OPRM1: variants seen among roughly 807,000 people sequenced by gnomAD.
OPRM1 encodes opioid receptor mu 1, also known as mu-type opioid receptor.
Under a neutral mutation model 31.8 loss-of-function variants are expected in OPRM1, and 27 were observed. The observed-to-expected ratio is 0.85, with a 90% CI of 0.63 to 1.17. The LOEUF (loss-of-function observed/expected upper bound fraction) is 1.17, where lower values mean the gene tolerates loss of function less well. Ranked by LOEUF, OPRM1 falls within the 50% of genes most tolerant of loss-of-function variation. OPRM1 has a pLI of 0.00. For missense variants in OPRM1, 536 were observed against 511.1 expected (o/e 1.05, Z -0.47); for synonymous variants, 196 against 189.9 (o/e 1.03, Z -0.26).
chr6:154,054,360 T>G (rs1371114583), intron 1 of OPRM1, among the ~76,000 whole-genome samples: 1 of 113,244 alleles, frequency 8.8e-6, no homozygotes, highest in African/African-American at 3.6e-5. Flanking sequence ...AGAGCGAGAC[T>G]CCGTCTCAAA....
At position 154,125,867 on chromosome 6, in the gene OPRM1, A is replaced by C. The variant is rs1797564150; in HGVS notation, c.*7146A>C. ...GCCCAGGCTGGAGTACAGTGGCGGGATCTCGGCTCACTGCAAGCTCCGCCT... is the reference window on the plus strand; with the variant it reads ...GCCCAGGCTGGAGTACAGTGGCGGGCTCTCGGCTCACTGCAAGCTCCGCCT... On this transcript the variant is annotated 3_prime_UTR_variant, in exon 4 of 4. Coordinates refer to ENST00000330432, the MANE Select transcript of OPRM1 (RefSeq NM_000914.5). 2.7e-4 allele frequency among the ~76,000 whole-genome samples: 1 copy of C among 3,720 alleles called. No homozygotes were observed. The highest frequency in any genetic ancestry group is 1.6e-3 in the Non-Finnish European group (1 of 616). 2.4% of individuals were successfully genotyped at this position (3,720 alleles called of 152,430 possible).
chr6:154,123,773 A>T lies in OPRM1; in HGVS notation c.*5052A>T, dbSNP rs1416251369. ...GTAAACTGTCGTGGTACTGGTGGGA[A>T]TGTTTTTTAGCATGCTAATGCAATA... On this transcript the variant is annotated 3_prime_UTR_variant, in exon 4 of 4. Coordinates refer to ENST00000330432, the MANE Select transcript of OPRM1 (RefSeq NM_000914.5). Among the ~76,000 whole-genome samples the T allele has an allele frequency of 6.6e-6, 1 of 152,186 alleles. No individual in the cohort carries two copies.
At chr6:154,218,796 A>T (rs1778619918) in intron 3 of OPRM1, among the ~76,000 whole-genome samples, 1 of 152,218 alleles carries the variant, frequency 6.6e-6, no homozygotes, top group South Asian at 2.1e-4. Context: ...CCGGATGGAC[A>T]ATTTTCAAGT....
intron 1 of OPRM1, among the ~76,000 whole-genome samples, chr6:154,012,746 T>C (rs568841038): frequency 6.6e-6 from 1 of 152,254 alleles, no homozygotes; most frequent in South Asian, 2.1e-4. Flanking sequence ...AGACTGGTGA[T>C]TTAAACAACA....
chr6:154,057,475 C>A (rs1235201930), intron 1 of OPRM1, among the ~76,000 whole-genome samples: 7 of 152,278 alleles, frequency 4.6e-5, no homozygotes, highest in African/African-American at 1.2e-4. Context: ...CTATAGCTCA[C>A]CTTATTCCAT....
chr6:154,201,456 TG>T (rs1286379246), intron 3 of OPRM1, among the ~76,000 whole-genome samples: 7 of 152,186 alleles, frequency 4.6e-5, no homozygotes, highest in Non-Finnish European at 1.0e-4. Flanking sequence ...TTAACTTTAT[TG>T]GCCAACAAAA....
At chr6:154,192,460 G>C (rs572324673) in intron 3 of OPRM1, among the ~76,000 whole-genome samples, 1 of 152,138 alleles carries the variant, frequency 6.6e-6, no homozygotes, top group South Asian at 2.1e-4. Flanking sequence ...CAGAAGAAAT[G>C]ATGAAGCATA....
intron 3 of OPRM1, among the ~76,000 whole-genome samples, chr6:154,162,699 CTCTA>C (rs10606296): frequency 0.41 from 62,189 of 151,478 alleles, 13,115 homozygotes; most frequent in Middle Eastern, 0.51. Context: ...CTGTTCTCTG[CTCTA>C]TCTATGTTCA....
intron 3 of OPRM1, chr6:154,158,166 T>C (rs958951568): frequency 3.9e-5 from 6 of 152,240 alleles, no homozygotes; most frequent in African/African-American, 1.4e-4. Flanking sequence ...ATTTCCATTT[T>C]GTTTGCAGAT....
chr6:154,139,452 C>A (rs1018539071), intron 3 of OPRM1, among the ~76,000 whole-genome samples: 3 of 152,154 alleles, frequency 2.0e-5, no homozygotes, highest in Admixed American at 2.0e-4. Flanking sequence ...TTTCTTTCAA[C>A]CTGGAGCACA....
chr6:154,159,530 A>G (rs2128545615), intron 3 of OPRM1: 1 of 392,272 alleles, frequency 2.5e-6, no homozygotes, highest in East Asian at 6.0e-5. Flanking sequence ...CAATGAACAG[A>G]AGAGACATTT....
Position 154,214,232 on chromosome 6 carries a change from G to A in OPRM1, c.1165-32461G>A, listed in dbSNP as rs747786460. 4 of 1,607,674 alleles carry A rather than the reference G, an allele frequency of 2.5e-6. No individual in the cohort carries two copies. The Admixed American group carries it at 6.7e-5, about 27-fold the overall frequency. On this transcript the variant is annotated intron_variant, in intron 3 of 3. Coordinates refer to the OPRM1 transcript ENST00000337049. ...ATAGAACATACCTTCATCCTTTGTA[G>A]TGGATTCCTGATGGATTACAGCCGA...
rs1162716254 is a variant in OPRM1, at chr6:154,017,310, A to AT, written c.-1+6298dup. On this transcript the variant is annotated intron_variant, in intron 1 of 5. Transcript: ENST00000434900. ...TAAGTAAATGCATGGGCGAGTATTG[A>AT]TTTTTTGTCACAGCCAAAAATCTAA... Among the ~76,000 whole-genome samples, 4 of 152,244 alleles carry AT rather than the reference A, an allele frequency of 2.6e-5. No individual in the cohort carries two copies. The East Asian group carries it at 5.8e-4, about 22-fold the overall frequency.
intron 1 of OPRM1, among the ~76,000 whole-genome samples, chr6:154,015,689 C>A (rs1365810406): frequency 3.3e-5 from 5 of 151,166 alleles, no homozygotes; most frequent in Non-Finnish European, 5.9e-5. Context: ...TTTGGTATGG[C>A]AAAATCATAA....
intron 1 of OPRM1, 39 bp downstream of exon 1, chr6:154,039,873 G>A (rs1779687935): frequency 9.2e-6 from 14 of 1,517,934 alleles, no homozygotes; most frequent in Admixed American, 1.9e-5. Context: ...AGGGTTCAGC[G>A]GCTTAAGGGG....
intron 3 of OPRM1, among the ~76,000 whole-genome samples, chr6:154,237,478 C>A (rs976614828): frequency 1.3e-5 from 2 of 152,224 alleles, no homozygotes; most frequent in African/African-American, 4.8e-5. Context: ...AATTCTCCTG[C>A]ATCCTAAAAT....
At chr6:154,032,838 A>G (rs1779087329) in intron 1 of OPRM1, among the ~76,000 whole-genome samples, 1 of 152,240 alleles carries the variant, frequency 6.6e-6, no homozygotes, top group Non-Finnish European at 1.5e-5. Context: ...TGCCATTAAG[A>G]GAACTATGAT....
chr6:154,151,192 T>C (rs4870268), intron 3 of OPRM1, among the ~76,000 whole-genome samples: 64,609 of 152,110 alleles, frequency 0.42, 14,157 homozygotes, highest in Middle Eastern at 0.51. Context: ...TTTCCAGTAC[T>C]AACCGCCTTA....
At chr6:154,030,635 C>T (rs1583152234) in intron 1 of OPRM1, among the ~76,000 whole-genome samples, 2 of 151,752 alleles carry the variant, frequency 1.3e-5, no homozygotes, top group African/African-American at 4.8e-5. Flanking sequence ...TTGTATTTTC[C>T]CCTATAAGAT....
Sources: gnomAD v4.1 joint callset for allele counts (sites outside exome capture counted in the v4.1 genomes callset) on GRCh38, gnomAD v4.1.1 for gene constraint, MANE v1.5 for transcripts, NCBI Gene and HGNC (gene_info 2026-07-23, HGNC 2026-07-21) for gene names.